DSP: variants seen among roughly 807,000 people sequenced by gnomAD.
DSP encodes the protein desmoplakin, also known as 250/210 kDa paraneoplastic pemphigus antigen.
A neutral mutation model predicts 290.6 loss-of-function variants in DSP; 114 were observed. The ratio of observed to expected loss-of-function variants is 0.39; its 90% CI spans 0.34 to 0.46. The LOEUF (loss-of-function observed/expected upper bound fraction) is 0.46, where lower values mean the gene tolerates loss of function less well. DSP is among the 20% of genes least tolerant of loss of function. The pLI is 0.99. For missense variants in DSP, 3,230 were observed against 3,495.8 expected, an observed-to-expected ratio of 0.92 and a Z score of 1.92; for synonymous variants, 1,311 against 1,316.4, an observed-to-expected ratio of 1.00 and a Z score of 0.09.
At chr6:7,562,387 T>TC (rs1758723038) in intron 4 of DSP, among the ~76,000 whole-genome samples, 2 of 151,900 alleles carry the variant, frequency 1.3e-5, no homozygotes, top group Non-Finnish European at 2.9e-5. Flanking sequence ...TTTTTTTTTT[T>TC]CAGAAGACAT....
chr6:7,577,585 C>T (rs1232263913), intron 20 of DSP, among the ~76,000 whole-genome samples, 194 bp from the exon 21 acceptor site: 2 of 152,158 alleles, frequency 1.3e-5, no homozygotes, highest in African/African-American at 4.8e-5. Flanking sequence ...GGCTCGGCCT[C>T]CCAAAGTGCC....
In DSP at chr6:7,585,867, A is replaced by C; in HGVS notation, c.8605A>C (p.Ile2869Leu). 11 of 1,613,942 alleles carry C rather than the reference A, an allele frequency of 6.8e-6. No homozygotes were observed. Among genetic ancestry groups the C allele is most frequent in the Non-Finnish European group, 9.3e-6 (11 of 1,180,018 alleles). ...SYSYSFSSSS[I>L]GH ...TTCCTACTCATTTAGCAGTAGTTCT[A>C]TTGGGCACTAGTAGTCAGTTGGGAG... Residue 2869 changes from isoleucine (I) to leucine (L), a missense_variant, in exon 24 of 24, where the codon ATT becomes CTT. Physicochemically the swap from Ile to Leu is conservative, Grantham distance 5. This residue lies in a region of DSP where 582 missense variants were observed against 555.4 expected (regional missense o/e 1.05). Coordinates refer to ENST00000379802, the MANE Select transcript of DSP (RefSeq NM_004415.4).
intron 6 of DSP, 85 bp downstream of exon 6, chr6:7,563,871 G>A (rs1178005974): frequency 1.3e-5 from 16 of 1,244,206 alleles, no homozygotes; most frequent in East Asian, 2.3e-5. Context: ...ACATCCTGGC[G>A]GGGAGGCACC....
intron 2 of DSP, 99 bp from the exon 3 acceptor site, chr6:7,558,017 T>G: frequency 7.0e-7 from 1 of 1,428,934 alleles, no homozygotes. Flanking sequence ...CTTACAGTTT[T>G]TGTCATGTTT....
chr6:7,559,416 A>C lies in DSP; in HGVS notation c.597+16A>C. 6.2e-7 allele frequency: 1 copy of C among 1,612,132 alleles called. No homozygotes were observed. The highest frequency in any genetic ancestry group is 8.5e-7 in the Non-Finnish European group (1 of 1,179,930). ...GCAGCAAAGGGTAAGCAGCTTCTTG[A>C]ACAGCCCAAACCTGTGCAGGCCAGA... On this transcript the variant is annotated intron_variant, in intron 4 of 23. Coordinates refer to ENST00000379802, the MANE Select transcript of DSP (RefSeq NM_004415.4).
Position 7,584,499 on chromosome 6 carries a change from A to G in DSP, c.7237A>G (p.Lys2413Glu). 4 of 1,614,206 alleles carry G rather than the reference A, an allele frequency of 2.5e-6. No individual in the cohort carries two copies. The highest frequency in any genetic ancestry group is 3.4e-6 in the Non-Finnish European group (4 of 1,180,046). ...EILSDPSDDT[K>E]GFFDPNTEEN... The stretch of plus-strand genomic sequence containing the variant: ...TCTCTCAGATCCAAGTGATGATACC[A>G]AAGGATTTTTTGACCCCAACACTGA... Residue 2413 changes from lysine (K) to glutamate (E), a missense_variant, in exon 24 of 24, where the codon AAA (lysine) becomes GAA (glutamate). By Grantham distance (56) the Lys-to-Glu change is moderately conservative. This residue lies in a region of DSP where 207 missense variants were observed against 281.2 expected (regional missense o/e 0.74). Transcript: ENST00000379802. This position sits in a 1 kb window ranked among gnomAD's most constrained non-coding sequence, Gnocchi z 6.4.
chr6:7,542,198 C>G (rs953161313), intron 1 of DSP, 113 bp downstream of exon 1: 28 of 1,422,930 alleles, frequency 2.0e-5, no homozygotes, highest in Non-Finnish European at 2.6e-5. Flanking sequence ...TTTTTTTGCC[C>G]CAGGTCCCGA....
At chr6:7,570,220 T>C (rs919094631) in intron 12 of DSP, among the ~76,000 whole-genome samples, 1 of 152,216 alleles carries the variant, frequency 6.6e-6, no homozygotes, top group African/African-American at 2.4e-5. Flanking sequence ...AAAGTTGTAG[T>C]ATATATGTCA....
At position 7,568,286 on chromosome 6, in the gene DSP, T is replaced by G. The variant is rs555393229; in HGVS notation, c.1267-151T>G. 3.4e-6 allele frequency: 3 copies of G among 878,982 alleles called. No homozygotes were observed. In the South Asian group the frequency reaches 4.7e-5, roughly 14 times the overall value. The allele number at this position is 878,982 out of a possible 1,614,324, so 54.4% of individuals were successfully genotyped here. A position where few individuals can be genotyped will look rare whatever the true frequency, so the allele number is the denominator to read the frequency against. ...AGAGTGTTGTCATGAAAGGTTCTCA[T>G]GTTTCCTGCCGACGAATTTGTGATT... On this transcript the variant is annotated intron_variant, in intron 10 of 23. Coordinates refer to ENST00000379802, the MANE Select transcript of DSP (RefSeq NM_004415.4).
chr6:7,584,901 T>A lies in DSP; in HGVS notation c.7639T>A (p.Tyr2547Asn). 1 of 1,614,170 alleles carries A rather than the reference T, an allele frequency of 6.2e-7. No homozygotes were observed. The highest frequency in any genetic ancestry group is 1.1e-5 in the South Asian group (1 of 91,082). ...GLVDRKFFDQ[Y>N]RSGSLSLTQF... The stretch of plus-strand genomic sequence containing the variant: ...TGTTGACAGGAAGTTCTTTGATCAG[T>A]ACCGATCCGGCAGCCTCAGCCTCAC... The change falls in exon 24 of 24, where the codon TAC (tyrosine) becomes AAC (asparagine). Residue 2547 changes from tyrosine (Y) to asparagine (N), a missense_variant. Coordinates refer to ENST00000379802, the MANE Select transcript of DSP (RefSeq NM_004415.4). The surrounding 1 kb of genome is among the most constrained non-coding windows in gnomAD (Gnocchi z 6.4).
Position 7,585,573 on chromosome 6 carries a change from G to C in DSP, c.8311G>C (p.Ala2771Pro). ...AQRLQDTSSY[A>P]KILTCPKTKL... ...GAGGCTGCAAGACACCAGCAGCTAT[G>C]CCAAAATCCTGACCTGCCCCAAAAC... Residue 2771 changes from alanine to proline, a missense_variant, in exon 24 of 24, where the codon GCC (alanine) becomes CCC (proline). Ala to Pro is a conservative substitution (Grantham distance 27). Transcript: ENST00000379802. The C allele has an allele frequency of 6.2e-7, 1 of 1,614,174 alleles. No individual in the cohort carries two copies. The highest frequency in any genetic ancestry group is 1.3e-5 in the African/African-American group (1 of 75,036).
chr6:7,570,008 T>G (rs1330283668), intron 12 of DSP, among the ~76,000 whole-genome samples: 2 of 152,232 alleles, frequency 1.3e-5, no homozygotes, highest in African/African-American at 4.8e-5. Flanking sequence ...AGGAAGAACA[T>G]TCGTTTAACA....
Position 7,582,683 on chromosome 6 carries a change from G to A in DSP, c.5421G>A (p.Gln1807=). 3.1e-6 allele frequency: 5 copies of A among 1,613,844 alleles called. No homozygotes were observed. Among genetic ancestry groups the A allele is most frequent in the Non-Finnish European group, 4.2e-6 (5 of 1,179,972 alleles). ...RIQESKNQCT[Q]VVQERESLLV... ...AGGAATCAAAGAATCAGTGTACTCA[G>A]GTGGTACAGGAAAGAGAGAGCCTTC... is the stretch of plus-strand genomic sequence containing the variant. The change falls in exon 24 of 24, where the codon CAG becomes CAA. Residue 1807 remains glutamine, a synonymous_variant. Coordinates refer to ENST00000379802, the MANE Select transcript of DSP (RefSeq NM_004415.4). This position sits in a 1 kb window ranked among gnomAD's most constrained non-coding sequence, Gnocchi z 4.2.
At chr6:7,576,523 G>A in intron 19 of DSP, 67 bp downstream of exon 19, 2 of 1,593,846 alleles carry the variant, frequency 1.3e-6, no homozygotes, top group Non-Finnish European at 1.7e-6. Flanking sequence ...GTTTTCCTCT[G>A]GTTTTTGTAT....
At chr6:7,571,708 A>T in intron 14 of DSP, 124 bp downstream of exon 14, 1 of 1,504,966 alleles carries the variant, frequency 6.6e-7, no homozygotes, top group Admixed American at 1.7e-5. Context: ...TTCTTCGTGC[A>T]CTAAATTTTC....
intron 1 of DSP, among the ~76,000 whole-genome samples, chr6:7,549,999 T>A (rs1180482068): frequency 6.6e-6 from 1 of 152,180 alleles, no homozygotes; most frequent in Non-Finnish European, 1.5e-5. Context: ...TTTTTCTTTA[T>A]CTTTTTGAAA....
At chr6:7,573,653 TGAAA>T (rs1759129079) in intron 15 of DSP, among the ~76,000 whole-genome samples, 1 of 152,000 alleles carries the variant, frequency 6.6e-6, no homozygotes, top group Admixed American at 6.5e-5. Context: ...TTATGCTAAG[TGAAA>T]TACACCAGAC....
intron 9 of DSP, 103 bp from the exon 10 acceptor site, chr6:7,567,678 T>C: frequency 6.4e-7 from 1 of 1,567,406 alleles, no homozygotes; most frequent in East Asian, 2.2e-5. Context: ...TTTAGCCACC[T>C]GTCAAAGAGA....
Position 7,582,179 on chromosome 6 carries a change from TTATATA to T in DSP, c.5380-458_5380-453del, listed in dbSNP as rs953764423. Among the ~76,000 whole-genome samples, 5 of 146,878 alleles carry T rather than the reference TTATATA, an allele frequency of 3.4e-5. No homozygotes were observed. The highest frequency in any genetic ancestry group is 1.2e-4 in the African/African-American group (5 of 40,472). On this transcript the variant is annotated intron_variant, in intron 23 of 23. Transcript: ENST00000379802. This position sits in a 1 kb window ranked among gnomAD's most constrained non-coding sequence, Gnocchi z 4.2. ...GTGTGTGTGTGTGTATATCTATATA[TTATATA>T]TATAATTATATAATTACATAATATA...
Sources: allele counts gnomAD v4.1 joint callset (sites outside exome capture counted in the v4.1 genomes callset), GRCh38; gene constraint gnomAD v4.1.1; regional missense constraint gnomAD v4.1.1; non-coding constraint Gnocchi (gnomAD v3.1); transcripts MANE v1.5; gene names NCBI Gene and HGNC (gene_info 2026-07-23, HGNC 2026-07-21).